MEIS1: variants seen among roughly 807,000 people sequenced by gnomAD.
MEIS1 encodes the protein homeobox protein Meis1.
Under a neutral mutation model 50.8 loss-of-function variants are expected in MEIS1, and 5 were observed. The observed-to-expected ratio is 0.10, with a 90% CI of 0.05 to 0.21. The LOEUF is 0.21. Ranked by LOEUF, MEIS1 falls within the 10% of genes least tolerant of loss-of-function variation. The probability of loss-of-function intolerance (pLI) is 1.00; values close to 1 mark genes in which losing one functional copy is unlikely to be tolerated. For missense variants in MEIS1, 318 were observed against 517.3 expected (o/e 0.61, Z 3.74); for synonymous variants, 176 against 179.3 (o/e 0.98, Z 0.15).
intron 7 of MEIS1, among the ~76,000 whole-genome samples, chr2:66,481,184 AGGCAG>A (rs1413603065): frequency 6.6e-6 from 1 of 152,202 alleles, no homozygotes; most frequent in Non-Finnish European, 1.5e-5. Context: ...GGAAAGTGGA[AGGCAG>A]GGTATCCTAC....
At chr2:66,440,406 C>T (rs890142604) in intron 3 of MEIS1, 156 bp from the exon 4 acceptor site, 3 of 681,884 alleles carry the variant, frequency 4.4e-6, no homozygotes, top group South Asian at 1.7e-5. Context: ...TGTTTCTGCG[C>T]GGGACGAACT....
intron 7 of MEIS1, chr2:66,496,306 C>T (rs1021807873): frequency 6.6e-6 from 1 of 152,098 alleles, no homozygotes; most frequent in East Asian, 1.9e-4. Context: ...AGGAGGCAGC[C>T]TTGTTTGTGT....
chr2:66,571,591 G>A lies in MEIS1; in HGVS notation c.*383G>A. The A allele has an allele frequency of 6.5e-7, 1 of 1,536,432 alleles. No individual in the cohort carries two copies. Among genetic ancestry groups the A allele is most frequent in the Non-Finnish European group, 8.8e-7 (1 of 1,135,392 alleles). On this transcript the variant is annotated 3_prime_UTR_variant, in exon 13 of 13. Coordinates refer to ENST00000272369, the MANE Select transcript of MEIS1 (RefSeq NM_002398.3). The stretch of plus-strand genomic sequence containing the variant: ...TTTCAAATCATGTTTTTTCTGCAAT[G>A]ACTGTGGAGTTCCATTCTTGGCATC...
At chr2:66,514,049 G>T (rs1673903477) in intron 8 of MEIS1, among the ~76,000 whole-genome samples, 1 of 152,194 alleles carries the variant, frequency 6.6e-6, no homozygotes, top group African/African-American at 2.4e-5. Context: ...ATGAGTTGGT[G>T]TGGTGGATAA....
intron 6 of MEIS1, among the ~76,000 whole-genome samples, chr2:66,446,796 T>G (rs900340363): frequency 6.6e-6 from 1 of 152,126 alleles, no homozygotes; most frequent in East Asian, 1.9e-4. Flanking sequence ...CCGCCGGGGC[T>G]GTGCAGCCCA....
intron 8 of MEIS1, among the ~76,000 whole-genome samples, chr2:66,541,896 G>A (rs541930030): frequency 3.7e-4 from 57 of 152,272 alleles, no homozygotes; most frequent in African/African-American, 6.5e-4. Context: ...CTTTGATAAT[G>A]TGCAGTCAGA....
intron 7 of MEIS1, among the ~76,000 whole-genome samples, chr2:66,468,582 A>G (rs1257767424): frequency 6.6e-6 from 1 of 152,210 alleles, no homozygotes; most frequent in Admixed American, 6.5e-5. Flanking sequence ...CTGGTGCTCA[A>G]GCCGGGACTT....
chr2:66,472,172 ATG>A (rs1258235017), intron 7 of MEIS1, among the ~76,000 whole-genome samples: 1 of 152,200 alleles, frequency 6.6e-6, no homozygotes, highest in Admixed American at 6.5e-5. Flanking sequence ...CAGCTCAAAC[ATG>A]TGTTTCAGTT....
intron 6 of MEIS1, among the ~76,000 whole-genome samples, chr2:66,454,433 A>G (rs1361938595): frequency 6.6e-6 from 1 of 152,070 alleles, no homozygotes; most frequent in East Asian, 1.9e-4. Context: ...GAATCACTGC[A>G]GACTCACTCC....
intron 6 of MEIS1, among the ~76,000 whole-genome samples, chr2:66,448,010 C>T (rs530334738): frequency 1.3e-5 from 2 of 152,248 alleles, no homozygotes; most frequent in South Asian, 4.1e-4. Context: ...ATTCTTCCCC[C>T]ACCAGAATGA....
chr2:66,461,823 C>A, intron 6 of MEIS1: 1 of 468,476 alleles, frequency 2.1e-6, no homozygotes, highest in Non-Finnish European at 4.4e-6. Flanking sequence ...ATCAGAATTT[C>A]CAGCAAGGAA....
intron 8 of MEIS1, among the ~76,000 whole-genome samples, chr2:66,515,770 G>A (rs1673952269): frequency 6.6e-6 from 1 of 152,108 alleles, no homozygotes; most frequent in Admixed American, 6.6e-5. Flanking sequence ...TGACTGACAT[G>A]ATTTAAATAA....
intron 7 of MEIS1, among the ~76,000 whole-genome samples, chr2:66,501,381 T>G (rs1465829757): frequency 6.6e-6 from 1 of 152,162 alleles, no homozygotes; most frequent in East Asian, 1.9e-4. Context: ...TGTACTCACA[T>G]CCTGAAGTTT....
intron 8 of MEIS1, among the ~76,000 whole-genome samples, chr2:66,543,904 T>A (rs1674718430): frequency 6.6e-6 from 1 of 152,334 alleles, no homozygotes; most frequent in East Asian, 1.9e-4. Context: ...TCAAATTTGC[T>A]TTGATATCCC....
intron 5 of MEIS1, 49 bp from the exon 6 acceptor site, chr2:66,442,853 T>A (rs1672030431): frequency 6.6e-7 from 1 of 1,510,126 alleles, no homozygotes. Flanking sequence ...CAATGTCATT[T>A]ATGCACTCCT....
At chr2:66,560,100 CTT>C (rs70947304) in intron 9 of MEIS1, among the ~76,000 whole-genome samples, 3,565 of 124,890 alleles carry the variant, frequency 0.029, 164 homozygotes, top group African/African-American at 0.1. Context: ...CCTGCCATCA[CTT>C]TTTTTTTTTT....
chr2:66,569,759 C>A (rs369727191), intron 12 of MEIS1: 3 of 152,650 alleles, frequency 2.0e-5, no homozygotes, highest in African/African-American at 7.2e-5. Context: ...CAGCAGGCTG[C>A]GGGGCTTAGC....
Position 66,571,486 on chromosome 2 carries a change from A to C in MEIS1, c.*278A>C. 1 of 1,587,888 alleles carries C rather than the reference A, an allele frequency of 6.3e-7. No homozygotes were observed. On this transcript the variant is annotated 3_prime_UTR_variant, in exon 13 of 13. Transcript: ENST00000272369. ...AGCCCCACAGTTCTTAATACAGGAG[A>C]CCCAACAATGAGTGGACAAGTCATG...
intron 4 of MEIS1, 157 bp downstream of exon 4, chr2:66,440,769 G>A (rs2103683306): frequency 3.4e-6 from 2 of 586,606 alleles, no homozygotes; most frequent in Admixed American, 3.1e-5. Flanking sequence ...CAACTGGTCC[G>A]GGACAAGATC....
Sources: allele counts gnomAD v4.1 joint callset (sites outside exome capture counted in the v4.1 genomes callset), GRCh38; gene constraint gnomAD v4.1.1; transcripts MANE v1.5; gene names NCBI Gene and HGNC (gene_info 2026-07-23, HGNC 2026-07-21).